KIF16B: variants seen among roughly 807,000 people sequenced by gnomAD.
The protein encoded by KIF16B is kinesin-like protein KIF16B.
Under a neutral mutation model 156.3 loss-of-function variants are expected in KIF16B, and 98 were observed. That is an observed-to-expected ratio of 0.63 (90% CI 0.53 to 0.74). The LOEUF (loss-of-function observed/expected upper bound fraction) is 0.74. Among genes scored for constraint, KIF16B ranks in the 30% least tolerant of loss-of-function variants. KIF16B has a pLI of 0.00. For synonymous variants in KIF16B, 564 were observed against 583.7 expected, an observed-to-expected ratio of 0.97 and a Z score of 0.49; for missense variants, 1,421 against 1,606.5, an observed-to-expected ratio of 0.88 and a Z score of 1.97.
intron 4 of KIF16B, among the ~76,000 whole-genome samples, chr20:16,513,799 T>C (rs904616462): frequency 7.2e-5 from 11 of 152,150 alleles, no homozygotes; most frequent in African/African-American, 1.4e-4. Context: ...ATAATGTTCA[T>C]GTTTCAGTCA....
intron 17 of KIF16B, among the ~76,000 whole-genome samples, chr20:16,404,234 A>G (rs1389001004): frequency 6.6e-6 from 1 of 152,110 alleles, no homozygotes; most frequent in Non-Finnish European, 1.5e-5. Flanking sequence ...AGGGCCCTCA[A>G]AGTTCCCTGT....
chr20:16,416,472 G>C (rs905603234), intron 15 of KIF16B, among the ~76,000 whole-genome samples: 2 of 152,036 alleles, frequency 1.3e-5, no homozygotes, highest in Admixed American at 6.6e-5. Flanking sequence ...AACTAACACA[G>C]GAACAGAAAA....
At chr20:16,419,979 T>A (rs187857503) in intron 15 of KIF16B, among the ~76,000 whole-genome samples, 1 of 152,168 alleles carries the variant, frequency 6.6e-6, no homozygotes, top group Non-Finnish European at 1.5e-5. Context: ...CACACTTTCT[T>A]GAAGAACTGG....
At chr20:16,284,070 C>T (rs899170032) in intron 25 of KIF16B, among the ~76,000 whole-genome samples, 2 of 152,168 alleles carry the variant, frequency 1.3e-5, no homozygotes, top group Non-Finnish European at 1.5e-5. Flanking sequence ...CCCTGGCAAG[C>T]GGAGCTGGGG....
intron 3 of KIF16B, among the ~76,000 whole-genome samples, chr20:16,520,458 G>A (rs1380180238): frequency 1.3e-5 from 2 of 152,216 alleles, no homozygotes; most frequent in Non-Finnish European, 2.9e-5. Context: ...CAAAGCCGCT[G>A]TAGCCAGACT....
rs1051883535 is a variant in KIF16B at position 16,305,667 on chromosome 20, C to T, written c.3795+6668G>A. 2.6e-5 allele frequency among the ~76,000 whole-genome samples: 4 copies of T among 152,256 alleles called. No homozygotes were observed. In the South Asian group the frequency reaches 8.3e-4, roughly 32 times the overall value. ...TATTTTTGTACCCATTAACCAACTT[C>T]TCTTCACCCACCTTCATCCCCTTCT... On this transcript the variant is annotated intron_variant, in intron 25 of 25. Coordinates refer to ENST00000354981, the MANE Select transcript of KIF16B (RefSeq NM_024704.5).
At chr20:16,404,049 G>A (rs962792509) in intron 17 of KIF16B, among the ~76,000 whole-genome samples, 31 of 152,170 alleles carry the variant, frequency 2.0e-4, no homozygotes, top group African/African-American at 6.0e-4. Context: ...AAAAGATCAC[G>A]GATTCAAGGT....
chr20:16,328,112 T>C (rs1339307661), intron 24 of KIF16B, among the ~76,000 whole-genome samples: 1 of 152,224 alleles, frequency 6.6e-6, no homozygotes, highest in East Asian at 1.9e-4. Context: ...CAGCACTAAC[T>C]GAAAGTCCAT....
intron 17 of KIF16B, among the ~76,000 whole-genome samples, chr20:16,403,432 C>T (rs34761754): frequency 0.1 from 15,923 of 152,264 alleles, 1,021 homozygotes; most frequent in Non-Finnish European, 0.15. Flanking sequence ...AATGTTCTCC[C>T]ATTTCAGAGG....
rs1211615053 is a variant in KIF16B, at chr20:16,385,597, CACG to C, written c.1785-3853_1785-3851del. Reference sequence around the variant, plus strand: ...GGGCTGTAGCCAGGATCAAGTGAGACACGACAAGTAAGATGCCTGCCTGGCACC... The same window carrying C: ...GGGCTGTAGCCAGGATCAAGTGAGACACAAGTAAGATGCCTGCCTGGCACC... On this transcript the variant is annotated intron_variant, in intron 17 of 25. Transcript: ENST00000354981. Among the ~76,000 whole-genome samples the C allele has an allele frequency of 9.8e-5, 15 of 152,302 alleles. No homozygotes were observed. In the East Asian group the frequency reaches 2.7e-3, roughly 27 times the overall value.
At chr20:16,550,582 G>T (rs1600680514) in intron 1 of KIF16B, among the ~76,000 whole-genome samples, 1 of 143,890 alleles carries the variant, frequency 6.9e-6, no homozygotes, top group Non-Finnish European at 1.5e-5. Flanking sequence ...ACCCAGGCTG[G>T]AGTGCAGTGG....
At chr20:16,570,513 T>TA (rs978259351) in intron 1 of KIF16B, among the ~76,000 whole-genome samples, 4 of 152,162 alleles carry the variant, frequency 2.6e-5, no homozygotes, top group Non-Finnish European at 4.4e-5. Flanking sequence ...ATCTCACTGG[T>TA]AAAAAAATGG....
chr20:16,374,496 G>A (rs1259800687), intron 19 of KIF16B, 87 bp from the exon 20 acceptor site: 1 of 1,244,270 alleles, frequency 8.0e-7, no homozygotes, highest in East Asian at 2.6e-5. Context: ...AGATAGCATG[G>A]GGGAACAAGA....
At chr20:16,477,717 ACT>A (rs1427071037) in intron 12 of KIF16B, among the ~76,000 whole-genome samples, 25 of 152,230 alleles carry the variant, frequency 1.6e-4, no homozygotes, top group African/African-American at 6.0e-4. Context: ...TGAAGAAAGA[ACT>A]CTAAATAATT....
chr20:16,495,788 T>C (rs2068434551), intron 11 of KIF16B, among the ~76,000 whole-genome samples: 1 of 152,176 alleles, frequency 6.6e-6, no homozygotes, highest in East Asian at 1.9e-4. Flanking sequence ...CTCCCAGAGT[T>C]TGAGTGATCC....
intron 25 of KIF16B, among the ~76,000 whole-genome samples, chr20:16,278,464 T>G (rs371582290): frequency 6.6e-6 from 1 of 152,208 alleles, no homozygotes; most frequent in East Asian, 1.9e-4. Context: ...AAAATCAAAT[T>G]TAGATGGCTA....
chr20:16,497,780 A>T, intron 10 of KIF16B, 102 bp from the exon 11 acceptor site: 2 of 884,048 alleles, frequency 2.3e-6, no homozygotes, highest in Non-Finnish European at 3.6e-6. Context: ...AGAAACTATT[A>T]AAGGTAAAAA....
chr20:16,347,364 T>TA (rs2064252897), intron 23 of KIF16B, among the ~76,000 whole-genome samples: 1 of 152,110 alleles, frequency 6.6e-6, no homozygotes, highest in Non-Finnish European at 1.5e-5. Context: ...AATCTTATAA[T>TA]AAAAAAATAG....
At chr20:16,496,910 C>T (rs1031389332) in intron 11 of KIF16B, among the ~76,000 whole-genome samples, 9 of 152,092 alleles carry the variant, frequency 5.9e-5, no homozygotes, top group African/African-American at 2.2e-4. Flanking sequence ...AAAGCTTTTA[C>T]AAACAGAATC....
Sources: gnomAD v4.1 joint callset for allele counts (sites outside exome capture counted in the v4.1 genomes callset) on GRCh38, gnomAD v4.1.1 for gene constraint, MANE v1.5 for transcripts, NCBI Gene and HGNC (gene_info 2026-07-23, HGNC 2026-07-21) for gene names.